KIF11: variants seen among roughly 807,000 people sequenced by gnomAD.
The protein encoded by KIF11 is kinesin-like protein KIF11.
In KIF11, 9 loss-of-function variants were observed where a neutral mutation model predicts 121.0. That is an observed-to-expected ratio of 0.07 (90% CI 0.04 to 0.13). KIF11 has a LOEUF of 0.13. KIF11 is among the 10% of genes least tolerant of loss of function. KIF11 has a pLI of 1.00. For missense variants in KIF11, 846 were observed against 1,217.5 expected, an observed-to-expected ratio of 0.69 and a Z score of 4.54; for synonymous variants, 408 against 421.0, an observed-to-expected ratio of 0.97 and a Z score of 0.38.
At chr10:92,609,996 C>CA (rs991116686) in intron 6 of KIF11, among the ~76,000 whole-genome samples, 2 of 152,152 alleles carry the variant, frequency 1.3e-5, no homozygotes, top group African/African-American at 4.8e-5. Context: ...CTTGGCCTCC[C>CA]AAAGTGCTGA....
intron 9 of KIF11, among the ~76,000 whole-genome samples, chr10:92,619,064 T>G (rs1178589264): frequency 6.6e-6 from 1 of 152,180 alleles, no homozygotes; most frequent in Non-Finnish European, 1.5e-5. Context: ...TTGCCCAGGC[T>G]GGAGTGCAGT....
rs1844471437 is a variant in KIF11 at position 92,609,431 on chromosome 10, A to C, written c.620A>C (p.Lys207Thr). 1.2e-6 allele frequency: 2 copies of C among 1,613,822 alleles called. No individual in the cohort carries two copies. Among genetic ancestry groups the C allele is most frequent in the Non-Finnish European group, 1.7e-6 (2 of 1,179,878 alleles). Reference sequence around the variant, plus strand: ...TTAGAAGAAATTACAGTACACAACAAGGATGAAGTCTATCAAATTTTAGAA... The same window carrying C: ...TTAGAAGAAATTACAGTACACAACACGGATGAAGTCTATCAAATTTTAGAA... ...KGLEEITVHNKDEVYQILEKG... is the reference protein window; with the variant it reads ...KGLEEITVHNTDEVYQILEKG... The change falls in exon 6 of 22, where the codon AAG becomes ACG. Residue 207 changes from lysine (K) to threonine (T), a missense_variant. Around this residue, in one of 5 missense-constraint regions of KIF11, gnomAD observed 116 missense variants for 285.3 expected, o/e 0.41. Coordinates refer to ENST00000260731, the MANE Select transcript of KIF11 (RefSeq NM_004523.4).
rs1474290767 is a variant in KIF11 at position 92,648,254 on chromosome 10, G to A, written c.2590G>A (p.Glu864Lys). 6.2e-7 allele frequency: 1 copy of A among 1,613,430 alleles called. No individual in the cohort carries two copies. Among genetic ancestry groups the A allele is most frequent in the Non-Finnish European group, 8.5e-7 (1 of 1,179,650 alleles). The change falls in exon 19 of 22, where the codon GAG becomes AAG. Residue 864 changes from glutamate to lysine, a missense_variant. Glu to Lys is a moderately conservative substitution (Grantham distance 56). Coordinates refer to ENST00000260731, the MANE Select transcript of KIF11 (RefSeq NM_004523.4). ...TGAGGCTTCAAGTTCAGACATCACT[G>A]AGAAATCAGATGGACGTAAGGCAGC... Reference protein sequence around the residue: ...CCEASSSDITEKSDGRKAAHE... With the variant: ...CCEASSSDITKKSDGRKAAHE...
At chr10:92,593,680 A>T (rs1039863060) in intron 1 of KIF11, among the ~76,000 whole-genome samples, 1 of 152,202 alleles carries the variant, frequency 6.6e-6, no homozygotes, top group East Asian at 1.9e-4. Context: ...GTGCGTTCTT[A>T]TGTTTAAACT....
At chr10:92,604,704 A>G (rs1448452529) in intron 1 of KIF11, among the ~76,000 whole-genome samples, 2 of 152,064 alleles carry the variant, frequency 1.3e-5, no homozygotes, top group Non-Finnish European at 2.9e-5. Context: ...GATAAGGGGG[A>G]AATAATTTCC....
At chr10:92,630,095 A>C in intron 11 of KIF11, 81 bp from the exon 12 acceptor site, 1 of 711,514 alleles carries the variant, frequency 1.4e-6, no homozygotes, top group East Asian at 3.0e-5. Context: ...CATGGAAATA[A>C]TTTGTTTCAT....
rs1554863366 is a variant in KIF11, at chr10:92,651,507, G to GTATTTTTTTTTTTTT, written c.3039+991_3039+992insATTTTTTTTTTTTTT. 7.0e-4 allele frequency among the ~76,000 whole-genome samples: 37 copies of GTATTTTTTTTTTTTT among 52,970 alleles called. 11 individuals carry two copies. Among genetic ancestry groups the GTATTTTTTTTTTTTT allele is most frequent in the African/African-American group, 1.2e-3 (23 of 19,300 alleles). The allele number at this position is 52,970 out of a possible 152,430, so 34.8% of individuals were successfully genotyped here. Reference sequence around the variant, plus strand: ...TGTGCCACCATGCCTGGCTAATTTTGTTTTTTTTTTTTTTTTTTTTTTTTT... The same window carrying GTATTTTTTTTTTTTT: ...TGTGCCACCATGCCTGGCTAATTTTGTATTTTTTTTTTTTTTTTTTTTTTTTTTTTTTTTTTTTTT... On this transcript the variant is annotated intron_variant, in intron 21 of 21. Coordinates refer to ENST00000260731, the MANE Select transcript of KIF11 (RefSeq NM_004523.4).
At chr10:92,646,215 G>C (rs1445812767) in intron 18 of KIF11, among the ~76,000 whole-genome samples, 1 of 152,102 alleles carries the variant, frequency 6.6e-6, no homozygotes, top group Non-Finnish European at 1.5e-5. Flanking sequence ...GCCTCCCAAA[G>C]TGCTGGGATT....
At chr10:92,597,914 G>A (rs1453206705) in intron 1 of KIF11, among the ~76,000 whole-genome samples, 3 of 151,700 alleles carry the variant, frequency 2.0e-5, no homozygotes, top group Non-Finnish European at 4.4e-5. Context: ...GCCTCCCAAA[G>A]TACTGGGATT....
At chr10:92,646,518 A>T (rs1844921702) in intron 18 of KIF11, among the ~76,000 whole-genome samples, 1 of 152,196 alleles carries the variant, frequency 6.6e-6, no homozygotes, top group Non-Finnish European at 1.5e-5. Flanking sequence ...TTGTATACAA[A>T]TAGCTAATTT....
chr10:92,620,530 G>T (rs1844606108), intron 9 of KIF11, among the ~76,000 whole-genome samples: 1 of 152,178 alleles, frequency 6.6e-6, no homozygotes, highest in Non-Finnish European at 1.5e-5. Context: ...CATTGTAGTT[G>T]TTCTCCTCAC....
At chr10:92,615,997 C>G (rs975058211) in intron 8 of KIF11, among the ~76,000 whole-genome samples, 5 of 151,612 alleles carry the variant, frequency 3.3e-5, no homozygotes, top group Non-Finnish European at 7.4e-5. Context: ...CACCACCATG[C>G]CTGGCTAATT....
At chr10:92,631,970 C>T (rs1422198725) in intron 12 of KIF11, among the ~76,000 whole-genome samples, 11 of 152,064 alleles carry the variant, frequency 7.2e-5, no homozygotes, top group East Asian at 1.9e-4. Context: ...CCACCACGTC[C>T]GGCCATTAGG....
intron 10 of KIF11, among the ~76,000 whole-genome samples, chr10:92,628,320 A>G (rs1359474524): frequency 2.0e-5 from 3 of 152,190 alleles, no homozygotes; most frequent in Non-Finnish European, 4.4e-5. Context: ...CTCTGTATAC[A>G]TACTTTAAGT....
rs575544632 is a variant in KIF11 at position 92,648,749 on chromosome 10, G to A, written c.2770+315G>A. Among the ~76,000 whole-genome samples the A allele has an allele frequency of 2.2e-4, 34 of 152,308 alleles. No homozygotes were observed. The South Asian group carries it at 5.0e-3, about 22-fold the overall frequency. ...ATTTTAATACCACAAATATGGGAGA[G>A]ATGTAACTGACTAAATCTAGTTTAA... is the stretch of plus-strand genomic sequence containing the variant. On this transcript the variant is annotated intron_variant, in intron 19 of 21. Transcript: ENST00000260731.
At chr10:92,639,426 A>G (rs922850312) in intron 16 of KIF11, among the ~76,000 whole-genome samples, 2 of 151,984 alleles carry the variant, frequency 1.3e-5, no homozygotes, top group African/African-American at 4.8e-5. Flanking sequence ...CGTCTCTACA[A>G]AAAAAATTTG....
intron 14 of KIF11, among the ~76,000 whole-genome samples, chr10:92,634,983 G>T (rs1354723989): frequency 6.6e-6 from 1 of 152,160 alleles, no homozygotes; most frequent in Non-Finnish European, 1.5e-5. Context: ...TTTCTCCAGA[G>T]TTCTATGGAA....
Position 92,648,425 on chromosome 10 carries a change from A to G in KIF11, c.2761A>G (p.Ile921Val). 1 of 1,586,860 alleles carries G rather than the reference A, an allele frequency of 6.3e-7. No homozygotes were observed. Among genetic ancestry groups the G allele is most frequent in the Non-Finnish European group, 8.6e-7 (1 of 1,162,256 alleles). Residue 921 changes from isoleucine (I) to valine (V), a missense_variant, in exon 19 of 22, where the codon ATC becomes GTC. Ile to Val is a conservative substitution (Grantham distance 29). Around this residue, in one of 5 missense-constraint regions of KIF11, gnomAD observed 492 missense variants for 603.4 expected, o/e 0.82. Transcript: ENST00000260731. ...TCTGGAACAGGATCTGAAACTGGAT[A>G]TCCCAACAGGTACTTTAAAAGAGAA... ...CFLEQDLKLD[I>V]PTGTTPQRKS...
At chr10:92,621,611 T>TGTGTGTGTGTGTGTGTGTGTGTGTGTG (rs1564709442) in intron 10 of KIF11, 138 bp downstream of exon 10, 5 of 578,740 alleles carry the variant, frequency 8.6e-6, no homozygotes, top group South Asian at 2.0e-5. Context: ...TGTGTGTGTG[T>TGTGTGTGTGTGTGTGTGTGTGTGTGTG]TTTCTTTTGA....
Sources: gnomAD v4.1 joint callset for allele counts (sites outside exome capture counted in the v4.1 genomes callset) on GRCh38, gnomAD v4.1.1 for gene constraint, gnomAD v4.1.1 regional missense constraint, MANE v1.5 for transcripts, NCBI Gene and HGNC (gene_info 2026-07-23, HGNC 2026-07-21) for gene names.